FLVCR2: variants seen among roughly 807,000 people sequenced by gnomAD.
FLVCR2 encodes the protein choline/ethanolamine transporter FLVCR2.
Under a neutral mutation model 48.9 loss-of-function variants are expected in FLVCR2, and 38 were observed. That is an observed-to-expected ratio of 0.78 (90% CI 0.60 to 1.02). FLVCR2 has a LOEUF of 1.02. Among genes scored for constraint, FLVCR2 ranks in the 50% least tolerant of loss-of-function variants. The probability of loss-of-function intolerance (pLI) is 0.00; values close to 1 mark genes in which losing one functional copy is unlikely to be tolerated. For missense variants in FLVCR2, 664 were observed against 663.3 expected (o/e 1.00, Z -0.01); for synonymous variants, 255 against 257.0 (o/e 0.99, Z 0.07).
intron 5 of FLVCR2, among the ~76,000 whole-genome samples, chr14:75,637,637 A>G (rs976425645): frequency 1.3e-5 from 2 of 151,358 alleles, no homozygotes; most frequent in African/African-American, 2.4e-5. Flanking sequence ...AGGCTGAGGC[A>G]GGAGAATGGT....
chr14:75,631,748 G>T (rs914467420), intron 3 of FLVCR2: 2 of 455,862 alleles, frequency 4.4e-6, no homozygotes, highest in Non-Finnish European at 8.8e-6. Flanking sequence ...TCCTTCCCAC[G>T]CTCCACCTCA....
intron 3 of FLVCR2, among the ~76,000 whole-genome samples, chr14:75,628,933 A>G (rs1038732003): frequency 6.6e-6 from 1 of 152,210 alleles, no homozygotes; most frequent in African/African-American, 2.4e-5. Context: ...TTGCATTGGT[A>G]AACTTACTGG....
intron 5 of FLVCR2, among the ~76,000 whole-genome samples, chr14:75,636,293 A>G (rs988477871): frequency 3.3e-5 from 5 of 152,230 alleles, no homozygotes; most frequent in South Asian, 2.1e-4. Context: ...TCAAAGGCCA[A>G]TTGAGACCAT....
intron 9 of FLVCR2, among the ~76,000 whole-genome samples, chr14:75,642,731 G>A (rs1404095451): frequency 1.3e-5 from 2 of 152,106 alleles, no homozygotes; most frequent in East Asian, 1.9e-4. Flanking sequence ...ATTGATTGCT[G>A]CATGTCTGTA....
chr14:75,585,809 A>G (rs1266313513), intron 1 of FLVCR2, among the ~76,000 whole-genome samples: 1 of 152,190 alleles, frequency 6.6e-6, no homozygotes, highest in African/African-American at 2.4e-5. Flanking sequence ...TGCCTCCTTT[A>G]TCTCTACTAG....
intron 1 of FLVCR2, among the ~76,000 whole-genome samples, chr14:75,594,588 G>A (rs1367839945): frequency 6.6e-6 from 1 of 152,182 alleles, no homozygotes; most frequent in Non-Finnish European, 1.5e-5. Flanking sequence ...TCTGGTGAGG[G>A]CCTTCTTGCT....
Position 75,646,723 on chromosome 14 carries a change from G to C in FLVCR2, c.*251G>C, listed in dbSNP as rs1470842325. 1 of 512,550 alleles carries C rather than the reference G, an allele frequency of 2.0e-6. No homozygotes were observed. Among genetic ancestry groups the C allele is most frequent in the East Asian group, 3.8e-5 (1 of 26,406 alleles). The allele number at this position is 512,550 out of a possible 1,614,324, so 31.8% of individuals were successfully genotyped here. ...ACCCCCTTTTAGGTTATGGGAGTTG[G>C]TGTTGGGACAGGGTGGCAGAGAATA... On this transcript the variant is annotated 3_prime_UTR_variant, in exon 10 of 10. Transcript: ENST00000238667.
At chr14:75,602,624 C>G (rs1202259466) in intron 1 of FLVCR2, among the ~76,000 whole-genome samples, 1 of 152,202 alleles carries the variant, frequency 6.6e-6, no homozygotes, top group South Asian at 2.1e-4. Context: ...ACCACAGTTA[C>G]CTGCAGTAGA....
In FLVCR2 at chr14:75,647,355, G is replaced by C. The variant is rs1285002577; in HGVS notation, c.*883G>C. On this transcript the variant is annotated 3_prime_UTR_variant, in exon 10 of 10. Transcript: ENST00000238667. The stretch of plus-strand genomic sequence containing the variant: ...GGGAATCTCAGCCATCAGCCCAAGT[G>C]CTTGTTTTATTCCAAGGCAGGGTAA... 2.0e-5 allele frequency: 3 copies of C among 152,172 alleles called. No individual in the cohort carries two copies. Among genetic ancestry groups the C allele is most frequent in the Admixed American group, 1.3e-4 (2 of 15,272 alleles). 9.4% of individuals were successfully genotyped at this position (152,172 alleles called of 1,614,324 possible).
At chr14:75,630,631 G>A (rs1028406529) in intron 3 of FLVCR2, among the ~76,000 whole-genome samples, 10 of 152,150 alleles carry the variant, frequency 6.6e-5, no homozygotes, top group African/African-American at 2.2e-4. Context: ...CAAAGTGGGA[G>A]GATCGTTTGA....
intron 1 of FLVCR2, among the ~76,000 whole-genome samples, chr14:75,612,379 C>G (rs1048611946): frequency 6.6e-6 from 1 of 152,090 alleles, no homozygotes; most frequent in East Asian, 1.9e-4. Flanking sequence ...GTGACGGGGG[C>G]GGGAGCTTGA....
chr14:75,585,203 G>A (rs1313690227), intron 1 of FLVCR2, among the ~76,000 whole-genome samples: 1 of 152,154 alleles, frequency 6.6e-6, no homozygotes, highest in Non-Finnish European at 1.5e-5. Context: ...GAAGAAAGAT[G>A]TGGGATGAGT....
In FLVCR2 at chr14:75,622,076, T is replaced by C; in HGVS notation, c.670-3T>C. On this transcript the variant is annotated splice_region_variant and splice_polypyrimidine_tract_variant and intron_variant, in intron 1 of 9. Transcript: ENST00000238667. ...GTGATTGGGTTGTCTCTGTCTTCTATAGCTTGGAATTGCGATTGGGTTCTT... is the reference window on the plus strand; with the variant it reads ...GTGATTGGGTTGTCTCTGTCTTCTACAGCTTGGAATTGCGATTGGGTTCTT... 6.2e-7 allele frequency: 1 copy of C among 1,614,212 alleles called. No homozygotes were observed. Among genetic ancestry groups the C allele is most frequent in the Non-Finnish European group, 8.5e-7 (1 of 1,180,020 alleles).
chr14:75,606,722 C>G (rs575683610), intron 1 of FLVCR2, among the ~76,000 whole-genome samples: 36 of 152,242 alleles, frequency 2.4e-4, no homozygotes, highest in African/African-American at 8.7e-4. Context: ...GAGGCCAAGG[C>G]AGGAGGATTG....
At position 75,647,973 on chromosome 14, in the gene FLVCR2, AG is replaced by A. The variant is rs1890457368; in HGVS notation, c.*1502del. 1.3e-5 allele frequency: 2 copies of A among 152,944 alleles called. No individual in the cohort carries two copies. Among genetic ancestry groups the A allele is most frequent in the South Asian group, 4.1e-4 (2 of 4,834 alleles). 9.5% of individuals were successfully genotyped at this position (152,944 alleles called of 1,614,324 possible). On this transcript the variant is annotated 3_prime_UTR_variant, in exon 10 of 10. Coordinates refer to ENST00000238667, the MANE Select transcript of FLVCR2 (RefSeq NM_017791.3). ...GAAGAAAGAAGTCCACGTTTTCGGC[AG>A]AAGTAGTGAGTCAGTGTGGAAGAGA...
intron 1 of FLVCR2, among the ~76,000 whole-genome samples, chr14:75,619,713 T>C (rs1294581617): frequency 6.6e-6 from 1 of 152,190 alleles, no homozygotes; most frequent in Non-Finnish European, 1.5e-5. Context: ...TTGAGAAAGG[T>C]TACCATGAGA....
chr14:75,614,981 T>C (rs1452839714), intron 1 of FLVCR2, among the ~76,000 whole-genome samples: 2 of 152,126 alleles, frequency 1.3e-5, no homozygotes, highest in Non-Finnish European at 2.9e-5. Context: ...CCTTGGCACA[T>C]GGGGATTACA....
intron 1 of FLVCR2, among the ~76,000 whole-genome samples, chr14:75,582,737 C>T (rs937866970): frequency 6.6e-6 from 1 of 151,920 alleles, no homozygotes; most frequent in African/African-American, 2.4e-5. Flanking sequence ...TTTTAAGGAA[C>T]GGAAAGAGGA....
chr14:75,626,560 A>G (rs974194491), intron 3 of FLVCR2, among the ~76,000 whole-genome samples: 2 of 151,766 alleles, frequency 1.3e-5, no homozygotes, highest in South Asian at 2.1e-4. Context: ...CAGTTTCTCA[A>G]TTCTCTGAGT....
Sources: allele counts gnomAD v4.1 joint callset (sites outside exome capture counted in the v4.1 genomes callset), GRCh38; gene constraint gnomAD v4.1.1; transcripts MANE v1.5; gene names NCBI Gene and HGNC (gene_info 2026-07-23, HGNC 2026-07-21).